Variants in ANKS1B observed in about 807,000 individuals in gnomAD.
ANKS1B encodes the protein ankyrin repeat and sterile alpha motif domain-containing protein 1B.
Under a neutral mutation model 148.3 loss-of-function variants are expected in ANKS1B, and 36 were observed. That is an observed-to-expected ratio of 0.24 (90% CI 0.19 to 0.32). ANKS1B has a LOEUF of 0.32. Ranked by LOEUF, ANKS1B falls within the 10% of genes least tolerant of loss-of-function variation. ANKS1B has a pLI of 1.00. For synonymous variants in ANKS1B, 542 were observed against 560.8 expected, an observed-to-expected ratio of 0.97 and a Z score of 0.47; for missense variants, 1,157 against 1,542.6, an observed-to-expected ratio of 0.75 and a Z score of 4.19.
chr12:99,547,877 C>T (rs1216389258), intron 9 of ANKS1B, among the ~76,000 whole-genome samples: 1 of 152,108 alleles, frequency 6.6e-6, no homozygotes, highest in Non-Finnish European at 1.5e-5. Context: ...CAGAGGATGT[C>T]TTCATGCAAA....
chr12:99,036,896 G>A (rs1476832410), intron 17 of ANKS1B, among the ~76,000 whole-genome samples: 1 of 152,232 alleles, frequency 6.6e-6, no homozygotes, highest in African/African-American at 2.4e-5. Flanking sequence ...CAATCTGTGT[G>A]AGGCTGTGAT....
At position 98,807,905 on chromosome 12, in the gene ANKS1B, C is replaced by T; in HGVS notation, c.3080G>A (p.Cys1027Tyr). 2 of 1,613,054 alleles carry T rather than the reference C, an allele frequency of 1.2e-6. No individual in the cohort carries two copies. The highest frequency in any genetic ancestry group is 1.7e-6 in the Non-Finnish European group (2 of 1,179,446). ...TGCGTTCTGATTCGTCCATATTTCA[C>T]AGACAGACGACTGCTGATATAAACA... The part of the protein sequence containing the change: ...ERQMAQQSSV[C>Y]EIWTNQNAGF... The change falls in exon 20 of 27, where the codon TGT (cysteine) becomes TAT (tyrosine). Residue 1027 changes from cysteine to tyrosine, a missense_variant. Physicochemically the swap from Cys to Tyr is radical, Grantham distance 194 (BLOSUM62 -2). Coordinates refer to ENST00000683438, the MANE Select transcript of ANKS1B (RefSeq NM_001352186.2).
intron 9 of ANKS1B, among the ~76,000 whole-genome samples, chr12:99,648,968 C>G (rs1320856949): frequency 2.6e-5 from 4 of 152,146 alleles, no homozygotes; most frequent in Non-Finnish European, 5.9e-5. Flanking sequence ...TAGTGCTTCT[C>G]CAGGGTTCTC....
At chr12:99,455,514 T>C (rs898248315) in intron 10 of ANKS1B, among the ~76,000 whole-genome samples, 6 of 152,188 alleles carry the variant, frequency 3.9e-5, no homozygotes, top group African/African-American at 1.4e-4. Context: ...GTTTGTAGCC[T>C]GGGGCAAGTT....
chr12:98,762,021 G>A (rs984077753), intron 25 of ANKS1B, among the ~76,000 whole-genome samples: 1 of 152,224 alleles, frequency 6.6e-6, no homozygotes. Flanking sequence ...CCAGACAGGG[G>A]TCAGCAGAAG....
At chr12:98,995,913 G>A (rs539519665) in intron 17 of ANKS1B, among the ~76,000 whole-genome samples, 2 of 152,296 alleles carry the variant, frequency 1.3e-5, no homozygotes, top group East Asian at 1.9e-4. Context: ...GAGCGAGAAA[G>A]AGCTTCACAG....
chr12:99,245,198 T>C lies in ANKS1B; in HGVS notation c.2347-784A>G, dbSNP rs1199734439. Among the ~76,000 whole-genome samples, 4 of 152,158 alleles carry C rather than the reference T, an allele frequency of 2.6e-5. No individual in the cohort carries two copies. In the South Asian group the frequency reaches 8.3e-4, roughly 32 times the overall value. ...AATGGTTTGACCAACCACAAGCTGA[T>C]TACTGACATCCAATCACCAGCATCT... On this transcript the variant is annotated intron_variant, in intron 13 of 26. Coordinates refer to ENST00000683438, the MANE Select transcript of ANKS1B (RefSeq NM_001352186.2).
chr12:98,894,565 T>C (rs2099759686), intron 17 of ANKS1B: 3 of 984,310 alleles, frequency 3.0e-6, no homozygotes, highest in Non-Finnish European at 2.4e-6. Flanking sequence ...GCGGCACCAC[T>C]TCTTGGAGCC....
chr12:99,422,430 T>G (rs2095117579), intron 11 of ANKS1B, among the ~76,000 whole-genome samples: 1 of 152,164 alleles, frequency 6.6e-6, no homozygotes. Context: ...TATGAAGACA[T>G]ATAACCAGGG....
intron 14 of ANKS1B, among the ~76,000 whole-genome samples, chr12:99,180,219 C>T (rs972401386): frequency 3.9e-5 from 6 of 152,130 alleles, no homozygotes; most frequent in African/African-American, 9.7e-5. Flanking sequence ...TCCCATAGTA[C>T]ATTATTTATG....
chr12:99,624,014 G>A (rs984509458), intron 9 of ANKS1B, among the ~76,000 whole-genome samples: 4 of 151,984 alleles, frequency 2.6e-5, no homozygotes, highest in Non-Finnish European at 2.9e-5. Flanking sequence ...TATGCTATAA[G>A]GCTATAGTAA....
rs146024532 is a variant in ANKS1B at position 98,829,810 on chromosome 12, C to T, written c.2887-457G>A. On this transcript the variant is annotated intron_variant, in intron 18 of 26. Coordinates refer to ENST00000683438, the MANE Select transcript of ANKS1B (RefSeq NM_001352186.2). The surrounding 1 kb of genome is among the most constrained non-coding windows in gnomAD (Gnocchi z 5.2). ...GGGTTGGGAAGAGGACACAGTACGGCAACACAGCATGTCACACGCACAGAC... is the reference window on the plus strand; with the variant it reads ...GGGTTGGGAAGAGGACACAGTACGGTAACACAGCATGTCACACGCACAGAC... 6.6e-6 allele frequency among the ~76,000 whole-genome samples: 1 copy of T among 152,312 alleles called. No individual in the cohort carries two copies. Among genetic ancestry groups the T allele is most frequent in the South Asian group, 2.1e-4 (1 of 4,828 alleles).
intron 8 of ANKS1B, among the ~76,000 whole-genome samples, chr12:99,683,329 C>A (rs1338715913): frequency 6.6e-6 from 1 of 151,980 alleles, no homozygotes; most frequent in African/African-American, 2.4e-5. Context: ...TAGAAAAGAT[C>A]ATTCAAGACT....
At chr12:98,802,500 T>C (rs2099012001) in intron 20 of ANKS1B, among the ~76,000 whole-genome samples, 1 of 151,696 alleles carries the variant, frequency 6.6e-6, no homozygotes, top group South Asian at 2.1e-4. Context: ...AGCTCTCCAA[T>C]TTTCTTTGCG....
At chr12:98,924,106 G>T (rs2099804929) in intron 17 of ANKS1B, among the ~76,000 whole-genome samples, 1 of 152,164 alleles carries the variant, frequency 6.6e-6, no homozygotes, top group South Asian at 2.1e-4. Flanking sequence ...CTTCCCTCAG[G>T]ATAGGAGAAA....
intron 12 of ANKS1B, among the ~76,000 whole-genome samples, chr12:99,290,473 C>T (rs1290935660): frequency 6.6e-6 from 1 of 151,848 alleles, no homozygotes; most frequent in Non-Finnish European, 1.5e-5. Flanking sequence ...AAGAAAACTA[C>T]AGGCCATTAT....
chr12:99,190,637 C>T (rs1232010353), intron 14 of ANKS1B, among the ~76,000 whole-genome samples: 1 of 152,050 alleles, frequency 6.6e-6, no homozygotes. Context: ...ACTGGCTAGC[C>T]ATATGCAGAA....
intron 17 of ANKS1B, among the ~76,000 whole-genome samples, chr12:98,890,594 C>T (rs544233997): frequency 9.2e-5 from 14 of 152,114 alleles, no homozygotes; most frequent in Middle Eastern, 3.2e-3. Context: ...CTTTTATGAA[C>T]GTTACACAAC....
At chr12:99,110,389 C>T (rs978687555) in intron 15 of ANKS1B, among the ~76,000 whole-genome samples, 1 of 152,168 alleles carries the variant, frequency 6.6e-6, no homozygotes, top group African/African-American at 2.4e-5. Flanking sequence ...AGAAATACAT[C>T]TTGCCTGATA....
Sources: gnomAD v4.1 joint callset for allele counts (sites outside exome capture counted in the v4.1 genomes callset) on GRCh38, gnomAD v4.1.1 for gene constraint, Gnocchi (gnomAD v3.1) non-coding constraint, MANE v1.5 for transcripts, NCBI Gene and HGNC (gene_info 2026-07-23, HGNC 2026-07-21) for gene names.